Variants in QSOX1 observed in about 807,000 individuals in gnomAD.
QSOX1 encodes the protein quiescin sulfhydryl oxidase 1, also known as sulfhydryl oxidase 1.
QSOX1 carries 40 observed loss-of-function variants against 76.1 expected under a neutral mutation model. The ratio of observed to expected loss-of-function variants is 0.53; its 90% confidence interval spans 0.41 to 0.68. The LOEUF (loss-of-function observed/expected upper bound fraction) is 0.68. QSOX1 is among the 30% of genes least tolerant of loss of function. The probability of loss-of-function intolerance (pLI) is 0.00; values close to 1 mark genes in which losing one functional copy is unlikely to be tolerated. For missense variants in QSOX1, 931 were observed against 974.3 expected (o/e 0.96, Z 0.59); for synonymous variants, 392 against 413.1 (o/e 0.95, Z 0.62).
chr1:180,193,526 C>T (rs557497084), intron 10 of QSOX1, among the ~76,000 whole-genome samples: 84 of 151,904 alleles, frequency 5.5e-4, no homozygotes, highest in Non-Finnish European at 1.1e-3. Flanking sequence ...TAGGAAGGAG[C>T]GAGCTTGGAG....
In QSOX1 at chr1:180,166,569, TC is replaced by T. The variant is rs761939311; in HGVS notation, c.347del (p.Pro116LeufsTer6). ...AGTGCAGTCTGCAGAGACTTCAACA[TC>T]CCTGGCTTCCCGACTGTGAGGGTGT... ...TNSAVCRDFN[I>X]PGFPTVRFFK... On this transcript the variant is annotated frameshift_variant, in exon 2 of 12. Transcript: ENST00000367602. LOFTEE classifies it high-confidence loss of function. 4.1e-5 allele frequency: 66 copies of T among 1,613,924 alleles called. No homozygotes were observed. The highest frequency in any genetic ancestry group is 5.0e-5 in the Non-Finnish European group (59 of 1,179,976).
At chr1:180,162,051 A>G (rs1301226367) in intron 1 of QSOX1, among the ~76,000 whole-genome samples, 1 of 152,232 alleles carries the variant, frequency 6.6e-6, no homozygotes. Context: ...AGATCTGATG[A>G]GAGTTCATAG....
chr1:180,176,475 T>C (rs12071926), intron 4 of QSOX1, among the ~76,000 whole-genome samples: 14,188 of 152,054 alleles, frequency 0.093, 1,003 homozygotes, highest in East Asian at 0.39. Context: ...TTGAGGGAAA[T>C]TGGGGGGAGG....
intron 1 of QSOX1, among the ~76,000 whole-genome samples, chr1:180,157,600 G>C (rs1006206797): frequency 6.6e-6 from 1 of 152,206 alleles, no homozygotes; most frequent in African/African-American, 2.4e-5. Flanking sequence ...TAATCTGACT[G>C]AATAGGGTTC....
chr1:180,182,432 G>A, intron 6 of QSOX1, 113 bp downstream of exon 6: 3 of 1,413,006 alleles, frequency 2.1e-6, no homozygotes, highest in Non-Finnish European at 2.9e-6. Context: ...TTTCTGAAGA[G>A]CCCCCTCAGG....
In QSOX1 at chr1:180,197,318, A is replaced by C. The variant is rs1221090269; in HGVS notation, c.*281A>C. ...TCAGTCCCTGGCCTCTTAGCACCAC[A>C]TTCCTGTTTTTCAGCTTATTTGAAG... On this transcript the variant is annotated 3_prime_UTR_variant, in exon 12 of 12. Coordinates refer to ENST00000367602, the MANE Select transcript of QSOX1 (RefSeq NM_002826.5). 1 of 1,613,948 alleles carries C rather than the reference A, an allele frequency of 6.2e-7. No individual in the cohort carries two copies. The highest frequency in any genetic ancestry group is 1.7e-5 in the Admixed American group (1 of 60,018).
intron 1 of QSOX1, among the ~76,000 whole-genome samples, chr1:180,163,463 T>C (rs1662539899): frequency 6.6e-6 from 1 of 152,236 alleles, no homozygotes; most frequent in African/African-American, 2.4e-5. Context: ...CTAGCAAGCA[T>C]TGTGAACTGT....
chr1:180,182,027 C>A, intron 5 of QSOX1, 147 bp from the exon 6 acceptor site: 1 of 718,914 alleles, frequency 1.4e-6, no homozygotes, highest in Non-Finnish European at 2.3e-6. Flanking sequence ...ATCTCTTGCG[C>A]ATCAGTGTGG....
intron 1 of QSOX1, among the ~76,000 whole-genome samples, chr1:180,164,456 A>G (rs1662565204): frequency 6.6e-6 from 1 of 151,982 alleles, no homozygotes; most frequent in East Asian, 1.9e-4. Flanking sequence ...TCCAGAAGCT[A>G]CAATGCCAAA....
At chr1:180,182,612 A>C (rs1572049224) in intron 6 of QSOX1, among the ~76,000 whole-genome samples, 1 of 151,004 alleles carries the variant, frequency 6.6e-6, no homozygotes, top group African/African-American at 2.4e-5. Flanking sequence ...CCTCTTCTCC[A>C]CCCTCTTCTG....
In QSOX1 at chr1:180,178,820, C is replaced by A; in HGVS notation, c.542C>A (p.Ala181Glu). The change falls in exon 5 of 12, where the codon GCG (alanine) becomes GAG (glutamate). Residue 181 changes from alanine (A) to glutamate (E), a missense_variant. Ala to Glu is a moderately radical substitution (Grantham distance 107). Coordinates refer to ENST00000367602, the MANE Select transcript of QSOX1 (RefSeq NM_002826.5). ...CTGGAGGAGATTGATGGATTCTTTG[C>A]GAGAAATAACGAAGAGTACCTGGCT... ...AKLEEIDGFF[A>E]RNNEEYLALI... 4 of 1,613,764 alleles carry A rather than the reference C, an allele frequency of 2.5e-6. No individual in the cohort carries two copies. Among genetic ancestry groups the A allele is most frequent in the Non-Finnish European group, 3.4e-6 (4 of 1,179,732 alleles).
At chr1:180,194,835 G>A (rs573754459) in intron 11 of QSOX1, among the ~76,000 whole-genome samples, 1 of 152,258 alleles carries the variant, frequency 6.6e-6, no homozygotes, top group African/African-American at 2.4e-5. Context: ...TGCCCTCTGC[G>A]TTCCCTCATT....
In QSOX1 at chr1:180,196,958, T is replaced by G. The variant is rs749004648; in HGVS notation, c.2165T>G (p.Met722Arg). ...GTGGGGCTCTATTCCCTGTCCTTCA[T>G]GGGCCTGCTGGCCATGTACACCTAC... is the stretch of plus-strand genomic sequence containing the variant. ...LCVGLYSLSF[M>R]GLLAMYTYFQ... The change falls in exon 12 of 12, where the codon ATG becomes AGG. Residue 722 changes from methionine (M) to arginine (R), a missense_variant. Physicochemically the swap from Met to Arg is moderately conservative, Grantham distance 91. Coordinates refer to ENST00000367602, the MANE Select transcript of QSOX1 (RefSeq NM_002826.5). This position sits in a 1 kb window ranked among gnomAD's most constrained non-coding sequence, Gnocchi z 4.1. 2.5e-6 allele frequency: 4 copies of G among 1,610,640 alleles called. No homozygotes were observed. Among genetic ancestry groups the G allele is most frequent in the Non-Finnish European group, 3.4e-6 (4 of 1,177,878 alleles).
chr1:180,194,895 C>T (rs2149243458), intron 11 of QSOX1, among the ~76,000 whole-genome samples: 1 of 151,720 alleles, frequency 6.6e-6, no homozygotes, highest in Non-Finnish European at 1.5e-5. Context: ...AACAGGCAAA[C>T]ACATTAAACT....
At chr1:180,157,387 C>T (rs1355984019) in intron 1 of QSOX1, among the ~76,000 whole-genome samples, 2 of 152,214 alleles carry the variant, frequency 1.3e-5, no homozygotes, top group East Asian at 3.8e-4. Flanking sequence ...GTTGGTCTCG[C>T]TTCATCTCTG....
rs1663656499 is a variant in QSOX1 at position 180,202,540 on chromosome 1, G to A, written c.*5503G>A. 1 of 152,080 alleles carries A rather than the reference G, an allele frequency of 6.6e-6. No homozygotes were observed. Among genetic ancestry groups the A allele is most frequent in the Admixed American group, 6.5e-5 (1 of 15,270 alleles). 9.4% of individuals were successfully genotyped at this position (152,080 alleles called of 1,614,324 possible). On this transcript the variant is annotated 3_prime_UTR_variant, in exon 12 of 12. Coordinates refer to ENST00000367602, the MANE Select transcript of QSOX1 (RefSeq NM_002826.5). ...ACCATCCCGGGTTCCAATGGTTACA[G>A]AGTTCTGCCCTGGGGAGGGAGGAAT...
chr1:180,173,987 G>GC (rs144383451), intron 2 of QSOX1, among the ~76,000 whole-genome samples: 1,771 of 152,334 alleles, frequency 0.012, 31 homozygotes, highest in African/African-American at 0.04. Context: ...AACGAGGTCT[G>GC]CCAGAGCCCG....
intron 2 of QSOX1, among the ~76,000 whole-genome samples, chr1:180,169,712 A>C (rs763220229): frequency 2.0e-5 from 3 of 152,234 alleles, no homozygotes; most frequent in Non-Finnish European, 2.9e-5. Context: ...ACTGTGTGGC[A>C]GTCCATCCAT....
Position 180,184,777 on chromosome 1 carries a change from G to T in QSOX1, c.887+727G>T, listed in dbSNP as rs1206144766. ...CTCACAAGGGGATGCACGAGACAGT[G>T]GGGGAAAGGTGATTGCAAGAAGGAC... On this transcript the variant is annotated intron_variant, in intron 7 of 11. Coordinates refer to ENST00000367602, the MANE Select transcript of QSOX1 (RefSeq NM_002826.5). 3.9e-5 allele frequency among the ~76,000 whole-genome samples: 6 copies of T among 152,298 alleles called. No individual in the cohort carries two copies. In the East Asian group the frequency reaches 1.2e-3, roughly 29 times the overall value.
Sources: gnomAD v4.1 joint callset for allele counts (sites outside exome capture counted in the v4.1 genomes callset) on GRCh38, gnomAD v4.1.1 for gene constraint, Gnocchi (gnomAD v3.1) non-coding constraint, MANE v1.5 for transcripts, NCBI Gene and HGNC (gene_info 2026-07-23, HGNC 2026-07-21) for gene names.